CELF2: variants seen among roughly 807,000 people sequenced by gnomAD.
CELF2 encodes CUGBP Elav-like family member 2, also known as CUG triplet repeat RNA-binding protein 2.
Under a neutral mutation model 62.6 loss-of-function variants are expected in CELF2, and 8 were observed. The observed-to-expected ratio is 0.13, with a 90% CI of 0.07 to 0.23. The LOEUF is 0.23. Ranked by LOEUF, CELF2 falls within the 10% of genes least tolerant of loss-of-function variation. CELF2 has a pLI of 1.00. For missense variants in CELF2, 333 were observed against 671.0 expected (o/e 0.50, Z 5.56); for synonymous variants, 258 against 250.0 (o/e 1.03, Z -0.30).
At chr10:10,515,580 A>G in the CELF2 span, among the ~76,000 whole-genome samples, 1 of 152,196 alleles carries the variant, frequency 6.6e-6, no homozygotes, top group African/African-American at 2.4e-5. Flanking sequence ...TCAGTGTCCC[A>G]CTGTGACTCA....
intron 1 of CELF2, among the ~76,000 whole-genome samples, chr10:10,839,734 T>G (rs1055318487): frequency 9.2e-5 from 14 of 152,232 alleles, no homozygotes; most frequent in African/African-American, 3.4e-4. Flanking sequence ...TTTTGAAATT[T>G]GCACAAATTA....
chr10:10,932,960 T>C (rs949780031), intron 2 of CELF2, among the ~76,000 whole-genome samples: 11 of 152,172 alleles, frequency 7.2e-5, no homozygotes, highest in African/African-American at 2.4e-4. Flanking sequence ...AGAAGCCAGA[T>C]TGCAAAGCTT....
intron 1 of CELF2, among the ~76,000 whole-genome samples, chr10:11,114,623 A>G (rs1206539085): frequency 6.6e-6 from 1 of 152,222 alleles, no homozygotes; most frequent in Non-Finnish European, 1.5e-5. Flanking sequence ...GAGTGAGTGG[A>G]TGATGATGGT....
At chr10:11,189,203 G>A (rs977991939) in intron 2 of CELF2, among the ~76,000 whole-genome samples, 2 of 152,120 alleles carry the variant, frequency 1.3e-5, no homozygotes, top group African/African-American at 4.8e-5. Context: ...AGGGCTCTTT[G>A]TCTGGTAGTT....
chr10:10,466,100 T>G, the CELF2 span, among the ~76,000 whole-genome samples: 1 of 152,130 alleles, frequency 6.6e-6, no homozygotes, highest in South Asian at 2.1e-4. Flanking sequence ...CCTTTTAAAG[T>G]ACCGCTTGAG....
At chr10:11,140,872 C>T (rs2061237783) in intron 1 of CELF2, among the ~76,000 whole-genome samples, 1 of 152,092 alleles carries the variant, frequency 6.6e-6, no homozygotes, top group African/African-American at 2.4e-5. Flanking sequence ...TAAAAATTAG[C>T]CAGGCATGAT....
rs2095640708 is a variant in CELF2, at chr10:11,324,875, T to G, written c.1295-961T>G. The stretch of plus-strand genomic sequence containing the variant: ...GGCCAGTTGAGGATTCCTGACCCGC[T>G]GCAGAAGTCGCCTCACCAGTTCTGT... On this transcript the variant is annotated intron_variant, in intron 11 of 12. Transcript: ENST00000633077. The surrounding 1 kb of genome is among the most constrained non-coding windows in gnomAD (Gnocchi z 4.7). Among the ~76,000 whole-genome samples, 1 of 152,224 alleles carries G rather than the reference T, an allele frequency of 6.6e-6. No individual in the cohort carries two copies. The highest frequency in any genetic ancestry group is 2.4e-5 in the African/African-American group (1 of 41,466).
intron 11 of CELF2, among the ~76,000 whole-genome samples, chr10:11,323,411 C>T (rs955071656): frequency 2.3e-5 from 3 of 132,966 alleles, no homozygotes; most frequent in Admixed American, 8.0e-5. Context: ...GCAAATGATG[C>T]CAGGCAGAGC....
intron 1 of CELF2, among the ~76,000 whole-genome samples, chr10:11,089,190 C>A (rs576765111): frequency 6.6e-6 from 1 of 152,128 alleles, no homozygotes; most frequent in South Asian, 2.1e-4. Context: ...GGCAGGGTCA[C>A]GTTGCAAAAG....
chr10:10,645,390 T>C, the CELF2 span, among the ~76,000 whole-genome samples: 1 of 152,178 alleles, frequency 6.6e-6, no homozygotes, highest in Non-Finnish European at 1.5e-5. Flanking sequence ...CGGTGGTTCA[T>C]GCCTATAATC....
the CELF2 span, among the ~76,000 whole-genome samples, chr10:10,499,205 TA>T: frequency 6.6e-6 from 1 of 151,796 alleles, no homozygotes; most frequent in East Asian, 1.9e-4. Context: ...TAGCTGGGAA[TA>T]CAGACATGTG....
the CELF2 span, among the ~76,000 whole-genome samples, chr10:10,735,125 T>A: frequency 1.3e-5 from 2 of 152,240 alleles, no homozygotes; most frequent in Admixed American, 1.3e-4. Context: ...CTATAAAATG[T>A]CTTGAACAAA....
intron 1 of CELF2, among the ~76,000 whole-genome samples, chr10:11,128,524 C>A (rs1007899232): frequency 6.6e-6 from 1 of 152,176 alleles, no homozygotes; most frequent in Non-Finnish European, 1.5e-5. Context: ...GAATGTTCTT[C>A]CATTTGTTTG....
the CELF2 span, among the ~76,000 whole-genome samples, chr10:10,624,211 T>A: frequency 1.3e-5 from 2 of 152,204 alleles, no homozygotes; most frequent in Admixed American, 1.3e-4. Context: ...TTAGTGACAG[T>A]TGACATGGAT....
At chr10:10,915,243 GCTATAA>G (rs2064217161) in intron 1 of CELF2, among the ~76,000 whole-genome samples, 1 of 152,002 alleles carries the variant, frequency 6.6e-6, no homozygotes, top group African/African-American at 2.4e-5. Flanking sequence ...TCCAAATACT[GCTATAA>G]CTATATCAGG....
chr10:10,515,372 T>C, the CELF2 span, among the ~76,000 whole-genome samples: 1 of 152,230 alleles, frequency 6.6e-6, no homozygotes. Flanking sequence ...ATCACATATC[T>C]TAATCATGTT....
chr10:11,077,231 A>G (rs2762545), intron 1 of CELF2, among the ~76,000 whole-genome samples: 48,192 of 152,124 alleles, frequency 0.32, 8,193 homozygotes, highest in African/African-American at 0.4. Context: ...GTGTGCACAT[A>G]GGGAGGAATG....
At chr10:11,271,466 G>A (rs759842872) in intron 7 of CELF2, among the ~76,000 whole-genome samples, 1 of 152,200 alleles carries the variant, frequency 6.6e-6, no homozygotes, top group Non-Finnish European at 1.5e-5. Flanking sequence ...ACAGGACGGA[G>A]TAGTAACCTC....
At chr10:10,568,886 G>A in the CELF2 span, among the ~76,000 whole-genome samples, 2 of 152,200 alleles carry the variant, frequency 1.3e-5, no homozygotes, top group African/African-American at 4.8e-5. Flanking sequence ...GGAGCCTATG[G>A]CCATAAATCT....
Sources: gnomAD v4.1 joint callset for allele counts (sites outside exome capture counted in the v4.1 genomes callset) on GRCh38, gnomAD v4.1.1 for gene constraint, Gnocchi (gnomAD v3.1) non-coding constraint, MANE v1.5 for transcripts, NCBI Gene and HGNC (gene_info 2026-07-23, HGNC 2026-07-21) for gene names.